Variants in POU6F2 observed in about 807,000 individuals in gnomAD.
POU6F2 encodes the protein POU domain, class 6, transcription factor 2.
POU6F2 carries 31 observed loss-of-function variants against 71.3 expected under a neutral mutation model. The observed-to-expected ratio is 0.43, with a 90% CI of 0.33 to 0.59. The LOEUF (loss-of-function observed/expected upper bound fraction) is 0.59, where lower values mean the gene tolerates loss of function less well. Ranked by LOEUF, POU6F2 falls within the 20% of genes least tolerant of loss-of-function variation. The probability of loss-of-function intolerance (pLI) is 0.04; values close to 1 mark genes in which losing one functional copy is unlikely to be tolerated. For missense variants in POU6F2, 783 were observed against 856.8 expected (o/e 0.91, Z 1.07); for synonymous variants, 347 against 355.7 (o/e 0.98, Z 0.27).
At chr7:39,018,544 A>T (rs1020584484) in intron 1 of POU6F2, among the ~76,000 whole-genome samples, 1 of 152,106 alleles carries the variant, frequency 6.6e-6, no homozygotes. Context: ...TAATCTAAGT[A>T]CTGCATTATC....
At position 39,169,821 on chromosome 7, in the gene POU6F2, T is replaced by C. The variant is rs1793184468; in HGVS notation, c.278-34414T>C. Among the ~76,000 whole-genome samples, 2 of 152,202 alleles carry C rather than the reference T, an allele frequency of 1.3e-5. 1 individual carries two copies. Among genetic ancestry groups the C allele is most frequent in the South Asian group, 4.1e-4 (2 of 4,822 alleles). On this transcript the variant is annotated intron_variant, in intron 2 of 9. Transcript: ENST00000518318. ...ATACTTTTTATAATAAAATTATTTT[T>C]CATAATGTTATGTCACATTATGAAA...
chr7:39,445,018 C>G (rs937012476), intron 7 of POU6F2, among the ~76,000 whole-genome samples: 1 of 152,120 alleles, frequency 6.6e-6, no homozygotes, highest in African/African-American at 2.4e-5. Context: ...GACTACCATC[C>G]ATGAAGGCAC....
intron 1 of POU6F2, among the ~76,000 whole-genome samples, chr7:39,011,888 G>C (rs1219666769): frequency 6.6e-6 from 1 of 151,752 alleles, no homozygotes; most frequent in African/African-American, 2.4e-5. Flanking sequence ...TCTGCCGAGA[G>C]ATCCGCTGTT....
intron 6 of POU6F2, among the ~76,000 whole-genome samples, chr7:39,423,008 A>C (rs1787886742): frequency 6.6e-6 from 1 of 152,240 alleles, no homozygotes; most frequent in Admixed American, 6.5e-5. Flanking sequence ...ATATCTGTAG[A>C]ATTCTAATTG....
chr7:39,315,278 T>C (rs1361389162), intron 4 of POU6F2, among the ~76,000 whole-genome samples: 1 of 152,182 alleles, frequency 6.6e-6, no homozygotes, highest in Non-Finnish European at 1.5e-5. Flanking sequence ...TCCAGGGAAG[T>C]ATCCATACTC....
At position 39,098,638 on chromosome 7, in the gene POU6F2, G is replaced by C. The variant is rs568156603; in HGVS notation, c.277+12607G>C. On this transcript the variant is annotated intron_variant, in intron 2 of 9. Transcript: ENST00000518318. ...CTCTGGAGTCAGGTTGTGTGGGCTTGAGTCCGGCTCTACCACTTTTTCACT... is the reference window on the plus strand; with the variant it reads ...CTCTGGAGTCAGGTTGTGTGGGCTTCAGTCCGGCTCTACCACTTTTTCACT... 7.9e-5 allele frequency among the ~76,000 whole-genome samples: 12 copies of C among 152,286 alleles called. No individual in the cohort carries two copies. In the East Asian group the frequency reaches 2.3e-3, roughly 29 times the overall value.
chr7:39,282,776 G>A (rs115005754), intron 4 of POU6F2, among the ~76,000 whole-genome samples: 2,170 of 152,096 alleles, frequency 0.014, 51 homozygotes, highest in African/African-American at 0.049. Flanking sequence ...TTGTTTTGTG[G>A]TTCTATATGA....
At chr7:39,427,318 G>T (rs1019134385) in intron 6 of POU6F2, among the ~76,000 whole-genome samples, 6 of 152,108 alleles carry the variant, frequency 3.9e-5, no homozygotes, top group Non-Finnish European at 7.4e-5. Context: ...CCTACTAGTT[G>T]GTGGCAAAGC....
intron 2 of POU6F2, among the ~76,000 whole-genome samples, chr7:39,183,133 G>A (rs993165996): frequency 1.3e-5 from 2 of 152,132 alleles, no homozygotes; most frequent in Admixed American, 1.3e-4. Context: ...ATTCTCATAG[G>A]AGCATGAACC....
intron 4 of POU6F2, among the ~76,000 whole-genome samples, chr7:39,327,436 A>T (rs1014872932): frequency 1.3e-5 from 2 of 152,132 alleles, no homozygotes; most frequent in African/African-American, 4.8e-5. Context: ...TAAGCTTGAC[A>T]TATGGATTAA....
At chr7:39,303,247 G>T (rs7797767) in intron 4 of POU6F2, among the ~76,000 whole-genome samples, 1 of 151,798 alleles carries the variant, frequency 6.6e-6, no homozygotes, top group East Asian at 1.9e-4. Flanking sequence ...TCCCGGGCTC[G>T]TGCCATTCTC....
intron 2 of POU6F2, among the ~76,000 whole-genome samples, chr7:39,174,580 C>T (rs1793291172): frequency 6.6e-6 from 1 of 152,118 alleles, no homozygotes; most frequent in Non-Finnish European, 1.5e-5. Context: ...CCTATCACGG[C>T]CAAAGCCCTT....
intron 5 of POU6F2, among the ~76,000 whole-genome samples, chr7:39,363,146 A>G (rs1313911951): frequency 2.0e-5 from 3 of 152,226 alleles, no homozygotes; most frequent in African/African-American, 4.8e-5. Flanking sequence ...AAAGACAATC[A>G]TGGTTTGTAC....
chr7:39,167,469 A>G (rs1793137416), intron 2 of POU6F2, among the ~76,000 whole-genome samples: 1 of 152,108 alleles, frequency 6.6e-6, no homozygotes. Context: ...CAATATTTCT[A>G]TGAACATTGT....
intron 4 of POU6F2, among the ~76,000 whole-genome samples, chr7:39,219,424 C>G (rs906413373): frequency 6.6e-6 from 1 of 151,964 alleles, no homozygotes; most frequent in Admixed American, 6.6e-5. Context: ...TTTTTCCCTT[C>G]CTTTCTTCTT....
At chr7:39,347,757 G>A (rs1394905544) in intron 5 of POU6F2, among the ~76,000 whole-genome samples, 1 of 108,148 alleles carries the variant, frequency 9.2e-6, no homozygotes, top group Non-Finnish European at 2.2e-5. Flanking sequence ...TCAGCCTCCC[G>A]AGCGTCTGGG....
intron 4 of POU6F2, among the ~76,000 whole-genome samples, chr7:39,270,180 A>T (rs920070040): frequency 1.3e-5 from 2 of 152,160 alleles, no homozygotes; most frequent in Non-Finnish European, 2.9e-5. Context: ...GACAAGTCAC[A>T]TGCCTAAGGC....
intron 1 of POU6F2, among the ~76,000 whole-genome samples, chr7:39,074,630 G>A (rs1218727651): frequency 1.3e-5 from 2 of 152,200 alleles, no homozygotes; most frequent in African/African-American, 4.8e-5. Context: ...TTTGAAGTGT[G>A]TGGATATAAA....
At chr7:39,243,228 C>A (rs1053604332) in intron 4 of POU6F2, among the ~76,000 whole-genome samples, 4 of 152,092 alleles carry the variant, frequency 2.6e-5, no homozygotes, top group African/African-American at 9.7e-5. Context: ...AGAGTGGTGG[C>A]CCCCAAAAGT....
Sources: gnomAD v4.1 joint callset for allele counts (sites outside exome capture counted in the v4.1 genomes callset) on GRCh38, gnomAD v4.1.1 for gene constraint, MANE v1.5 for transcripts, NCBI Gene and HGNC (gene_info 2026-07-23, HGNC 2026-07-21) for gene names.